AFAP1: variants seen among roughly 807,000 people sequenced by gnomAD.
AFAP1 encodes actin filament associated protein 1, also known as actin filament-associated protein 1.
In AFAP1, 75 loss-of-function variants were observed where a neutral mutation model predicts 93.9. The observed-to-expected ratio is 0.80, with a 90% confidence interval of 0.66 to 0.97. AFAP1 has a LOEUF of 0.97. Among genes scored for constraint, AFAP1 ranks in the 50% least tolerant of loss-of-function variants. The probability of loss-of-function intolerance (pLI) is 0.00; values close to 1 mark genes in which losing one functional copy is unlikely to be tolerated. For synonymous variants in AFAP1, 517 were observed against 430.7 expected, an observed-to-expected ratio of 1.20 and a Z score of -2.48; for missense variants, 1,201 against 1,050.8, an observed-to-expected ratio of 1.14 and a Z score of -1.98.
At chr4:7,810,082 C>T (rs1214116416) in intron 8 of AFAP1, among the ~76,000 whole-genome samples, 1 of 152,182 alleles carries the variant, frequency 6.6e-6, no homozygotes, top group Non-Finnish European at 1.5e-5. Flanking sequence ...AGGCTGGTCT[C>T]AAACTCCTGG....
chr4:7,859,950 T>C (rs1715482865), intron 3 of AFAP1, among the ~76,000 whole-genome samples: 1 of 152,154 alleles, frequency 6.6e-6, no homozygotes, highest in South Asian at 2.1e-4. Flanking sequence ...AAGACCAGCC[T>C]GGGCAACATG....
rs549756792 is a variant in AFAP1 at position 7,797,619 on chromosome 4, C to T, written c.1266+2823G>A. ...GCAGAGGGAGCAGGCTAAAGAGACG[C>T]GGCAGCGGACTACAACACACAGGCT... On this transcript the variant is annotated intron_variant, in intron 10 of 17. Transcript: ENST00000420658. 1.6e-3 allele frequency among the ~76,000 whole-genome samples: 248 copies of T among 152,286 alleles called. 1 individual carries two copies. Among genetic ancestry groups the T allele is most frequent in the African/African-American group, 5.8e-3 (240 of 41,564 alleles).
intron 8 of AFAP1, among the ~76,000 whole-genome samples, chr4:7,811,696 G>A (rs532352442): frequency 2.6e-5 from 4 of 152,274 alleles, no homozygotes; most frequent in African/African-American, 4.8e-5. Flanking sequence ...GTGAAGGCGC[G>A]GGAGGGGAGC....
At chr4:7,864,167 A>ATTCCCAACTTC (rs1577313455) in intron 3 of AFAP1, among the ~76,000 whole-genome samples, 10 of 125,726 alleles carry the variant, frequency 8.0e-5, no homozygotes, top group Admixed American at 1.7e-4. Context: ...ATCACAACCC[A>ATTCCCAACTTC]CAGGTCCTTT....
At position 7,761,132 on chromosome 4, in the gene AFAP1, A is replaced by ATATG. The variant is rs1713723624; in HGVS notation, c.*2629_*2632dup. 1 of 152,238 alleles carries ATATG rather than the reference A, an allele frequency of 6.6e-6. No homozygotes were observed. 9.4% of individuals were successfully genotyped at this position (152,238 alleles called of 1,614,324 possible). ...TGGCAAGATGGCTCGCGTGTGTCTA[A>ATATG]TATGTACAGATATAAATTAAAAACT... is the stretch of plus-strand genomic sequence containing the variant. On this transcript the variant is annotated 3_prime_UTR_variant, in exon 18 of 18. Coordinates refer to ENST00000420658, the MANE Select transcript of AFAP1 (RefSeq NM_001134647.2).
chr4:7,839,972 C>G (rs1407353076), intron 5 of AFAP1, among the ~76,000 whole-genome samples: 1 of 152,162 alleles, frequency 6.6e-6, no homozygotes, highest in Non-Finnish European at 1.5e-5. Context: ...ACAATAACAT[C>G]TGCTACCAAG....
chr4:7,908,749 G>A lies in AFAP1; in HGVS notation c.-3+30907C>T, dbSNP rs182446099. On this transcript the variant is annotated intron_variant, in intron 1 of 17. Coordinates refer to ENST00000420658, the MANE Select transcript of AFAP1 (RefSeq NM_001134647.2). ...TGATGAGAGAGCTAAGAAAAGGACA[G>A]GCTGCCATAGGAAGCACCTGTTCTT... is the stretch of plus-strand genomic sequence containing the variant. Among the ~76,000 whole-genome samples the A allele has an allele frequency of 2.9e-3, 436 of 152,320 alleles. 2 individuals carry two copies. Among genetic ancestry groups the A allele is most frequent in the Middle Eastern group, 6.8e-3 (2 of 294 alleles).
At chr4:7,886,774 G>C (rs1718163048) in intron 1 of AFAP1, among the ~76,000 whole-genome samples, 1 of 152,202 alleles carries the variant, frequency 6.6e-6, no homozygotes, top group African/African-American at 2.4e-5. Context: ...ACAGAAGCCA[G>C]ACCTCCTGAT....
rs201581693 is a variant in AFAP1, at chr4:7,778,781, A to C, written c.1878T>G (p.Val626=). 3.1e-4 allele frequency: 499 copies of C among 1,614,036 alleles called. No homozygotes were observed. Among genetic ancestry groups the C allele is most frequent in the Non-Finnish European group, 3.8e-4 (446 of 1,180,024 alleles). The stretch of plus-strand genomic sequence containing the variant: ...ACTTACTCGAACCCGTCCTTTTCAC[A>C]ACAGCCGCGGGATCCGCTTTCTTTG... ...SQPKKADPAA[V]VKRTGSNAAQ... is the part of the protein sequence containing the mutation. The change falls in exon 14 of 18, where the codon GTT becomes GTG. Residue 626 remains valine (V), a synonymous_variant. Coordinates refer to ENST00000420658, the MANE Select transcript of AFAP1 (RefSeq NM_001134647.2).
intron 6 of AFAP1, among the ~76,000 whole-genome samples, chr4:7,830,156 G>A (rs555073276): frequency 1.3e-5 from 2 of 152,230 alleles, no homozygotes; most frequent in African/African-American, 4.8e-5. Flanking sequence ...GGGGCGGGGC[G>A]AGGGGGAAGC....
intron 2 of AFAP1, among the ~76,000 whole-genome samples, chr4:7,870,303 AC>A (rs1455950522): frequency 6.6e-6 from 1 of 152,226 alleles, no homozygotes; most frequent in African/African-American, 2.4e-5. Flanking sequence ...CTGGATTGTG[AC>A]CAGAGGCAAA....
At chr4:7,822,839 C>G (rs1157087160) in intron 6 of AFAP1, among the ~76,000 whole-genome samples, 1 of 150,622 alleles carries the variant, frequency 6.6e-6, no homozygotes, top group Non-Finnish European at 1.5e-5. Context: ...GTGATCCGCC[C>G]GCATCGGCCT....
intron 4 of AFAP1, among the ~76,000 whole-genome samples, chr4:7,848,614 A>T (rs1363494002): frequency 6.6e-6 from 1 of 152,174 alleles, no homozygotes; most frequent in Non-Finnish European, 1.5e-5. Context: ...CCTCCAGCCT[A>T]TCGGATGGTA....
chr4:7,872,939 TAA>T (rs1181240219), intron 1 of AFAP1, among the ~76,000 whole-genome samples: 21 of 110,004 alleles, frequency 1.9e-4, no homozygotes, highest in African/African-American at 6.0e-4. Context: ...TTTTTTTTTT[TAA>T]AAAAAAAAAA....
chr4:7,819,279 T>C lies in AFAP1; in HGVS notation c.727-108A>G, dbSNP rs1720755541. Reference sequence around the variant, plus strand: ...GCACATGGCGTGGTAGGGAAATTCATGGGCTCAAAGCACCTGGCTCTGAGT... The same window carrying C: ...GCACATGGCGTGGTAGGGAAATTCACGGGCTCAAAGCACCTGGCTCTGAGT... On this transcript the variant is annotated intron_variant, in intron 6 of 17. Transcript: ENST00000420658. 4.0e-6 allele frequency: 4 copies of C among 993,586 alleles called. No individual in the cohort carries two copies. The East Asian group carries it at 1.1e-4, about 27-fold the overall frequency. The allele number at this position is 993,586 out of a possible 1,614,324, so 61.5% of individuals were successfully genotyped here.
At chr4:7,852,319 G>A (rs73088575) in intron 4 of AFAP1, among the ~76,000 whole-genome samples, 18,348 of 152,094 alleles carry the variant, frequency 0.12, 1,379 homozygotes, top group African/African-American at 0.22. Context: ...CTGGTCTAAG[G>A]GCAAGATATG....
intron 1 of AFAP1, among the ~76,000 whole-genome samples, chr4:7,881,297 C>T (rs1461335003): frequency 6.6e-6 from 1 of 152,160 alleles, no homozygotes; most frequent in African/African-American, 2.4e-5. Flanking sequence ...GCACCCGCCA[C>T]TTGAGTCAAG....
At chr4:7,872,107 T>C (rs1472254139) in intron 1 of AFAP1, 27 bp from the exon 2 acceptor site, 1 of 1,612,460 alleles carries the variant, frequency 6.2e-7, no homozygotes, top group Non-Finnish European at 8.5e-7. Context: ...AAGAGTATTA[T>C]TAGACCCAGT....
chr4:7,833,080 G>T (rs1430588386), intron 6 of AFAP1, among the ~76,000 whole-genome samples: 1 of 152,180 alleles, frequency 6.6e-6, no homozygotes, highest in Non-Finnish European at 1.5e-5. Context: ...AACCCTTCTA[G>T]ACATTGGCTT....
Sources: gnomAD v4.1 joint callset for allele counts (sites outside exome capture counted in the v4.1 genomes callset) on GRCh38, gnomAD v4.1.1 for gene constraint, MANE v1.5 for transcripts, NCBI Gene and HGNC (gene_info 2026-07-23, HGNC 2026-07-21) for gene names.